PACS2: variants seen among roughly 807,000 people sequenced by gnomAD.
PACS2 encodes PACS1-like protein.
PACS2 carries 36 observed loss-of-function variants against 113.0 expected under a neutral mutation model. The observed-to-expected ratio is 0.32, with a 90% confidence interval of 0.24 to 0.42. The LOEUF (loss-of-function observed/expected upper bound fraction) is 0.42. PACS2 is among the 10% of genes least tolerant of loss of function. The pLI, the probability that PACS2 is intolerant of heterozygous loss-of-function variation, is 1.00. For missense variants in PACS2, 1,015 were observed against 1,239.5 expected (o/e 0.82, Z 2.72); for synonymous variants, 589 against 536.1 (o/e 1.10, Z -1.36).
At chr14:105,382,683 C>T (rs1207022066) in intron 14 of PACS2, 102 bp downstream of exon 14, 14 of 964,642 alleles carry the variant, frequency 1.5e-5, no homozygotes, top group Non-Finnish European at 2.1e-5. Flanking sequence ...GCTGGAGCTG[C>T]TGGCTGTGGT....
chr14:105,391,033 A>T, intron 20 of PACS2, 174 bp from the exon 21 acceptor site: 1 of 630,580 alleles, frequency 1.6e-6, no homozygotes. Context: ...GGCTGCTCTG[A>T]GCTCAGCTCT....
intron 1 of PACS2, among the ~76,000 whole-genome samples, chr14:105,343,245 T>G (rs1254257569): frequency 1.3e-5 from 2 of 152,254 alleles, no homozygotes; most frequent in African/African-American, 4.8e-5. Context: ...TGTTGCTGAA[T>G]AGTACCAAAA....
intron 20 of PACS2, chr14:105,390,223 G>A: frequency 1.7e-6 from 1 of 590,392 alleles, no homozygotes; most frequent in East Asian, 2.9e-5. Context: ...GCTCTGCCTT[G>A]GGGGCTGATA....
At chr14:105,331,237 G>A (rs1448622688) in intron 1 of PACS2, among the ~76,000 whole-genome samples, 1 of 152,174 alleles carries the variant, frequency 6.6e-6, no homozygotes, top group Non-Finnish European at 1.5e-5. Context: ...TTACAGGCAT[G>A]AGCCACCGTG....
At chr14:105,336,051 G>A (rs901187390) in intron 1 of PACS2, among the ~76,000 whole-genome samples, 3 of 152,310 alleles carry the variant, frequency 2.0e-5, no homozygotes, top group South Asian at 2.1e-4. Flanking sequence ...GGCACGGAGC[G>A]TGTGTGGCCA....
rs4076933 is a variant in PACS2, at chr14:105,382,554, T to C, written c.1491T>C (p.Leu497=). The change falls in exon 14 of 25, where the codon CTT becomes CTC. Residue 497 remains leucine (L), a synonymous_variant. Transcript: ENST00000447393. The stretch of plus-strand genomic sequence containing the variant: ...ACCAGCTTCCCGAAAACATCATCCT[T>C]GTCAACACCTCGGACTGGCAGGGGC... The part of the protein sequence containing the change: ...SDDQLPENII[L]VNTSDWQGQF... The C allele has an allele frequency of 0.023, 36,762 of 1,611,196 alleles. 6,801 individuals are homozygous for C. In the African/African-American group the frequency reaches 0.42, roughly 18 times the overall value.
intron 1 of PACS2, among the ~76,000 whole-genome samples, chr14:105,331,843 C>G (rs958779280): frequency 6.6e-6 from 1 of 152,212 alleles, no homozygotes; most frequent in African/African-American, 2.4e-5. Flanking sequence ...GAAGCTCTTT[C>G]AGTCTTTCAG....
upstream of PACS2, among the ~76,000 whole-genome samples, chr14:105,312,393 T>C (rs1018922334): frequency 1.3e-5 from 2 of 152,238 alleles, no homozygotes; most frequent in African/African-American, 4.8e-5. Flanking sequence ...GGACCAGCTT[T>C]CAGGTTGTCC....
At chr14:105,353,017 TG>T in intron 3 of PACS2, among the ~76,000 whole-genome samples, 1 of 97,984 alleles carries the variant, frequency 1.0e-5, no homozygotes, top group Non-Finnish European at 2.1e-5. Flanking sequence ...CACTGTCCCC[TG>T]GGGAGACGGG....
At chr14:105,394,497 G>A in intron 24 of PACS2, 57 bp from the exon 25 acceptor site, 3 of 1,601,072 alleles carry the variant, frequency 1.9e-6, no homozygotes, top group Non-Finnish European at 2.6e-6. Context: ...GCAGGCAGGT[G>A]GATAGGGTGG....
intron 1 of PACS2, among the ~76,000 whole-genome samples, chr14:105,338,737 C>A (rs147955361): frequency 6.6e-6 from 1 of 152,220 alleles, no homozygotes; most frequent in Non-Finnish European, 1.5e-5. Flanking sequence ...AGCAGTGCCC[C>A]ATGCCACTGG....
rs1555404167 is a variant in PACS2, at chr14:105,352,378, G to C, written c.208G>C (p.Gly70Arg). 4 of 1,607,442 alleles carry C rather than the reference G, an allele frequency of 2.5e-6. No individual in the cohort carries two copies. In the South Asian group the frequency reaches 4.4e-5, roughly 18 times the overall value. Residue 70 changes from glycine (G) to arginine (R), a missense_variant and splice_region_variant, in exon 3 of 25, where the codon GGC (glycine) becomes CGC (arginine). This residue lies in a region of PACS2 where 140 missense variants were observed against 135.1 expected (regional missense o/e 1.04). Coordinates refer to ENST00000447393, the MANE Select transcript of PACS2 (RefSeq NM_001100913.3). ...ISVVIAVKMQ[G>R]SKRILRSHEI... ...TAGAACAGGTCTTGCTTAATCACAG[G>C]GCTCCAAACGAATCCTGCGGTCCCA...
chr14:105,316,263 A>G (rs1446641989), intron 1 of PACS2, among the ~76,000 whole-genome samples: 1 of 152,228 alleles, frequency 6.6e-6, no homozygotes, highest in East Asian at 1.9e-4. Context: ...CATTTGCCCA[A>G]GGTCTGGGGC....
intron 7 of PACS2, among the ~76,000 whole-genome samples, chr14:105,368,914 T>A (rs1555408666): frequency 6.6e-6 from 1 of 152,218 alleles, no homozygotes; most frequent in Non-Finnish European, 1.5e-5. Flanking sequence ...GGATCTGGCC[T>A]ACCTACCTCC....
chr14:105,314,566 C>G (rs1184851867), upstream of PACS2: 3 of 145,824 alleles, frequency 2.1e-5, no homozygotes, highest in African/African-American at 7.4e-5. Context: ...GGAGGAAGCG[C>G]GCGCGCACCT....
At chr14:105,393,495 G>C (rs1313412305) in intron 24 of PACS2, 160 bp downstream of exon 24, 10 of 482,284 alleles carry the variant, frequency 2.1e-5, no homozygotes, top group Non-Finnish European at 3.6e-5. Flanking sequence ...CAGTGAGGCT[G>C]ACAACCTTCC....
At position 105,324,945 on chromosome 14, in the gene PACS2, G is replaced by A. The variant is rs2059040291; in HGVS notation, c.119+9908G>A. ...AAGACACTGGGGAAGGGGTGGGTCT[G>A]CCCTTCCTGCTGGGGGTGCACACGG... On this transcript the variant is annotated intron_variant, in intron 1 of 24. Transcript: ENST00000447393. The surrounding 1 kb of genome is among the most constrained non-coding windows in gnomAD (Gnocchi z 4.7). Among the ~76,000 whole-genome samples the A allele has an allele frequency of 6.6e-6, 1 of 152,084 alleles. No homozygotes were observed. Among genetic ancestry groups the A allele is most frequent in the Admixed American group, 6.5e-5 (1 of 15,286 alleles).
upstream of PACS2, among the ~76,000 whole-genome samples, chr14:105,309,861 C>T (rs1022563798): frequency 6.9e-6 from 1 of 145,292 alleles, no homozygotes; most frequent in African/African-American, 2.6e-5. The surrounding 1 kb of genome is among the most constrained non-coding windows in gnomAD (Gnocchi z 4.0). Context: ...TCTCGGCTCA[C>T]TGCAAGCTCC....
chr14:105,368,236 C>T (rs587682533), intron 6 of PACS2, 89 bp downstream of exon 6: 6 of 1,012,004 alleles, frequency 5.9e-6, no homozygotes, highest in South Asian at 1.3e-5. Flanking sequence ...TCACCAGGGC[C>T]TCGTGAGGGT....
Sources: allele counts gnomAD v4.1 joint callset (sites outside exome capture counted in the v4.1 genomes callset), GRCh38; gene constraint gnomAD v4.1.1; regional missense constraint gnomAD v4.1.1; non-coding constraint Gnocchi (gnomAD v3.1); transcripts MANE v1.5; gene names NCBI Gene and HGNC (gene_info 2026-07-23, HGNC 2026-07-21).